CWF19L2: variants seen among roughly 807,000 people sequenced by gnomAD.
The protein encoded by CWF19L2 is CWF19-like protein 2.
In CWF19L2, 98 loss-of-function variants were observed where a neutral mutation model predicts 111.7. The observed-to-expected ratio is 0.88, with a 90% confidence interval of 0.75 to 1.04. The LOEUF (loss-of-function observed/expected upper bound fraction) is 1.04. Among genes scored for constraint, CWF19L2 ranks in the 50% least tolerant of loss-of-function variants. The pLI is 0.00. For missense variants in CWF19L2, 1,101 were observed against 1,051.4 expected, an observed-to-expected ratio of 1.05 and a Z score of -0.65; for synonymous variants, 351 against 342.9, an observed-to-expected ratio of 1.02 and a Z score of -0.26.
chr11:107,409,810 T>TCATGGATCTTTTTTAAGATC (rs1305600654), intron 10 of CWF19L2, among the ~76,000 whole-genome samples: 14 of 152,086 alleles, frequency 9.2e-5, no homozygotes, highest in Admixed American at 9.2e-4. Flanking sequence ...ATGTGAAAGA[T>TCATGGATCTTTTTTAAGATC]CATGGATCAT....
chr11:107,390,215 T>G lies in CWF19L2; in HGVS notation c.1735-4A>C. ...CTCTTTCCTCATGGGTTGAAACCTA[T>G]GACAAAATGAACATTATTAATTTAA... On this transcript the variant is annotated splice_polypyrimidine_tract_variant and splice_region_variant and intron_variant, in intron 11 of 17. Coordinates refer to ENST00000282251, the MANE Select transcript of CWF19L2 (RefSeq NM_152434.3). 1 of 1,586,968 alleles carries G rather than the reference T, an allele frequency of 6.3e-7. No homozygotes were observed. The highest frequency in any genetic ancestry group is 8.6e-7 in the Non-Finnish European group (1 of 1,167,864).
At chr11:107,334,797 G>A in intron 16 of CWF19L2, 84 bp downstream of exon 16, 1 of 864,778 alleles carries the variant, frequency 1.2e-6, no homozygotes, top group Non-Finnish European at 1.9e-6. Flanking sequence ...CAACCAAATG[G>A]TCCCTTTGTC....
At chr11:107,456,048 C>T (rs1238864807) in intron 1 of CWF19L2, among the ~76,000 whole-genome samples, 5 of 152,212 alleles carry the variant, frequency 3.3e-5, no homozygotes, top group Admixed American at 2.0e-4. Context: ...TCCAGGCCCT[C>T]CCATCTCTCT....
At chr11:107,390,233 TAATTTAATGAAAAC>T (rs1434029975) in intron 11 of CWF19L2, 22 bp from the exon 12 acceptor site, 8 of 1,553,682 alleles carry the variant, frequency 5.1e-6, no homozygotes, top group Non-Finnish European at 6.1e-6. Flanking sequence ...TGAACATTAT[TAATTTAATGAAAAC>T]ATGAGTCTCT....
At chr11:107,379,667 T>C (rs1302093256) in intron 12 of CWF19L2, among the ~76,000 whole-genome samples, 2 of 152,224 alleles carry the variant, frequency 1.3e-5, no homozygotes, top group African/African-American at 4.8e-5. Flanking sequence ...TACAAAAATA[T>C]TAATGTCTTC....
intron 8 of CWF19L2, among the ~76,000 whole-genome samples, chr11:107,427,508 A>G (rs551768944): frequency 6.6e-6 from 1 of 152,216 alleles, no homozygotes; most frequent in East Asian, 1.9e-4. Context: ...ACATACAAAT[A>G]TGCAGCAATC....
chr11:107,442,817 AG>A (rs1184866012), intron 4 of CWF19L2, 121 bp downstream of exon 4: 1 of 384,790 alleles, frequency 2.6e-6, no homozygotes, highest in South Asian at 2.6e-5. Flanking sequence ...GGAGGGAGGG[AG>A]GGGGAGGGAG....
chr11:107,412,993 G>A (rs1012837842), intron 10 of CWF19L2, among the ~76,000 whole-genome samples: 2 of 152,178 alleles, frequency 1.3e-5, no homozygotes, highest in African/African-American at 4.8e-5. Context: ...ATAAACAGGT[G>A]GAACACAGAG....
chr11:107,403,470 A>G, intron 10 of CWF19L2: 1 of 808,378 alleles, frequency 1.2e-6, no homozygotes, highest in African/African-American at 1.7e-5. Flanking sequence ...TTGCTCTCTG[A>G]GCCAGTGTTA....
At chr11:107,350,095 TAAAAGAG>T (rs1860135599) in intron 13 of CWF19L2, among the ~76,000 whole-genome samples, 1 of 152,072 alleles carries the variant, frequency 6.6e-6, no homozygotes, top group African/African-American at 2.4e-5. Context: ...AATAGATACA[TAAAAGAG>T]AAAAGAAAAT....
At chr11:107,422,421 G>A (rs1266111511) in intron 8 of CWF19L2, among the ~76,000 whole-genome samples, 1 of 152,012 alleles carries the variant, frequency 6.6e-6, no homozygotes, top group East Asian at 1.9e-4. Context: ...TGGTTGCCTA[G>A]GAGTGGAGAG....
intron 10 of CWF19L2, among the ~76,000 whole-genome samples, chr11:107,414,524 C>T (rs1861199494): frequency 6.6e-6 from 1 of 152,038 alleles, no homozygotes; most frequent in Non-Finnish European, 1.5e-5. Flanking sequence ...GGACTTTTTC[C>T]CAACTACCCA....
At position 107,361,949 on chromosome 11, in the gene CWF19L2, G is replaced by A. The variant is rs374800709; in HGVS notation, c.1873-8213C>T. ...CACTAGGGAGTGCCAGACAGTGGGCGCAGGTTAGTGGGTGCACGCACCGTG... is the reference window on the plus strand; with the variant it reads ...CACTAGGGAGTGCCAGACAGTGGGCACAGGTTAGTGGGTGCACGCACCGTG... On this transcript the variant is annotated intron_variant, in intron 12 of 17. Transcript: ENST00000282251. Among the ~76,000 whole-genome samples the A allele has an allele frequency of 6.6e-5, 10 of 152,294 alleles. No homozygotes were observed. The East Asian group carries it at 7.7e-4, about 12-fold the overall frequency.
intron 15 of CWF19L2, 150 bp from the exon 16 acceptor site, chr11:107,335,111 A>C: frequency 2.0e-6 from 1 of 498,008 alleles, no homozygotes; most frequent in Non-Finnish European, 3.5e-6. Flanking sequence ...TAGTTATTTA[A>C]AATAAGAACT....
rs1366195800 is a variant in CWF19L2, at chr11:107,439,171, C to G, written c.583G>C (p.Glu195Gln). ...TTCCAGTACGGATTCAATTCTCTTT[C>G]CATCAGTTTGGACTAGAACAAATTA... ...NQALEQSKLM[E>Q]RELNPYWKDG... The change falls in exon 6 of 18, where the codon GAA becomes CAA. Residue 195 changes from glutamate to glutamine, a missense_variant. By Grantham distance (29) the Glu-to-Gln change is conservative. Coordinates refer to ENST00000282251, the MANE Select transcript of CWF19L2 (RefSeq NM_152434.3). The G allele has an allele frequency of 3.1e-6, 5 of 1,604,350 alleles. No individual in the cohort carries two copies. The highest frequency in any genetic ancestry group is 2.2e-5 in the South Asian group (2 of 89,796).
At chr11:107,404,168 C>G (rs533081539) in intron 10 of CWF19L2, 2 of 775,840 alleles carry the variant, frequency 2.6e-6, no homozygotes, top group African/African-American at 3.4e-5. Flanking sequence ...TTTGCATTTA[C>G]GTAAGCAAGG....
chr11:107,353,344 T>A (rs921945485), intron 13 of CWF19L2, among the ~76,000 whole-genome samples, 180 bp downstream of exon 13: 4 of 152,188 alleles, frequency 2.6e-5, no homozygotes, highest in Admixed American at 2.6e-4. Context: ...CAGGGCTAGA[T>A]GCTTTGTATA....
At chr11:107,343,196 T>C (rs766698658) in intron 14 of CWF19L2, among the ~76,000 whole-genome samples, 1 of 152,230 alleles carries the variant, frequency 6.6e-6, no homozygotes, top group Non-Finnish European at 1.5e-5. Context: ...GTTCCACCAG[T>C]TGTTAAAATG....
At chr11:107,341,216 G>T (rs956684819) in intron 14 of CWF19L2, among the ~76,000 whole-genome samples, 10 of 152,198 alleles carry the variant, frequency 6.6e-5, no homozygotes, top group African/African-American at 2.4e-4. Context: ...GTGCCATCTG[G>T]TGTTCCTTAG....
Sources: allele counts gnomAD v4.1 joint callset (sites outside exome capture counted in the v4.1 genomes callset), GRCh38; gene constraint gnomAD v4.1.1; transcripts MANE v1.5; gene names NCBI Gene and HGNC (gene_info 2026-07-23, HGNC 2026-07-21).